The following MRC2 variants were observed in gnomAD, a reference collection of about 807,000 sequenced individuals.
The protein encoded by MRC2 is C-type mannose receptor 2.
MRC2 carries 84 observed loss-of-function variants against 206.2 expected under a neutral mutation model. The ratio of observed to expected loss-of-function variants is 0.41; its 90% CI spans 0.34 to 0.49. The LOEUF (loss-of-function observed/expected upper bound fraction) is 0.49. Among genes scored for constraint, MRC2 ranks in the 20% least tolerant of loss-of-function variants. The pLI is 0.31. For synonymous variants in MRC2, 798 were observed against 800.0 expected (o/e 1.00, Z 0.04); for missense variants, 1,676 against 2,001.5 (o/e 0.84, Z 3.10).
Position 62,692,611 on chromosome 17 carries a change from G to A in MRC2, c.*160G>A. On this transcript the variant is annotated 3_prime_UTR_variant, in exon 30 of 30. Transcript: ENST00000303375. This position sits in a 1 kb window ranked among gnomAD's most constrained non-coding sequence, Gnocchi z 4.2. ...GCTGGGCAGAGCCTGGGCTGGTGGG[G>A]TGCCACCCTCCCACAAGGGCTGGGC... is the stretch of plus-strand genomic sequence containing the variant. 1.4e-6 allele frequency: 1 copy of A among 719,900 alleles called. No individual in the cohort carries two copies. Among genetic ancestry groups the A allele is most frequent in the Non-Finnish European group, 2.2e-6 (1 of 445,120 alleles). 44.6% of individuals were successfully genotyped at this position (719,900 alleles called of 1,614,324 possible). A position where few individuals can be genotyped will look rare whatever the true frequency, so the allele number is the denominator to read the frequency against.
chr17:62,658,886 G>C (rs1042747209), intron 1 of MRC2, among the ~76,000 whole-genome samples: 1 of 152,204 alleles, frequency 6.6e-6, no homozygotes. Flanking sequence ...GGCAGGCATG[G>C]ATCAAGTCCT....
At chr17:62,643,341 A>AG (rs57932606) in intron 1 of MRC2, among the ~76,000 whole-genome samples, 68,330 of 142,914 alleles carry the variant, frequency 0.48, 17,847 homozygotes, top group East Asian at 0.7. Flanking sequence ...AAAAAAAAAA[A>AG]AAAAAAGAAA....
chr17:62,663,493 G>A (rs1292801569), intron 1 of MRC2, among the ~76,000 whole-genome samples: 5 of 151,818 alleles, frequency 3.3e-5, no homozygotes, highest in East Asian at 3.9e-4. Flanking sequence ...CCCCTTTCTC[G>A]TCACCCACAG....
In MRC2 at chr17:62,667,431, C is replaced by T. The variant is rs771762429; in HGVS notation, c.1015C>T (p.Arg339Cys). 14 of 1,612,144 alleles carry T rather than the reference C, an allele frequency of 8.7e-6. No individual in the cohort carries two copies. The highest frequency in any genetic ancestry group is 1.7e-6 in the Non-Finnish European group (2 of 1,179,602). Residue 339 changes from arginine (R) to cysteine (C), a missense_variant, in exon 6 of 30, where the codon CGC (arginine) becomes TGC (cysteine). Arg to Cys is a radical substitution (Grantham distance 180). Around this residue, in one of 3 missense-constraint regions of MRC2, gnomAD observed 1,354 missense variants for 1,636.6 expected, o/e 0.83. Coordinates refer to ENST00000303375, the MANE Select transcript of MRC2 (RefSeq NM_006039.5). This position sits in a 1 kb window ranked among gnomAD's most constrained non-coding sequence, Gnocchi z 4.1. Reference sequence around the variant, plus strand: ...CAGTGAGGAGAACTGTGGAGTGATCCGCACTGAGTCCTCGGGCGGCTGGCA... The same window carrying T: ...CAGTGAGGAGAACTGTGGAGTGATCTGCACTGAGTCCTCGGGCGGCTGGCA... The part of the protein sequence containing the change: ...NPSEENCGVI[R>C]TESSGGWQNR...
Position 62,673,873 on chromosome 17 carries a change from G to A in MRC2, c.1462-190G>A, listed in dbSNP as rs151069625. 2.0e-5 allele frequency among the ~76,000 whole-genome samples: 3 copies of A among 152,320 alleles called. No homozygotes were observed. In the East Asian group the frequency reaches 5.8e-4, roughly 29 times the overall value. On this transcript the variant is annotated intron_variant, in intron 8 of 29. Transcript: ENST00000303375. ...CAAGGCGTTTGCACATGAACTGCTT[G>A]TGCTCTCATCCACCCTGTGAGGCTT...
intron 1 of MRC2, among the ~76,000 whole-genome samples, chr17:62,660,387 A>G (rs2088666275): frequency 6.6e-6 from 1 of 152,194 alleles, no homozygotes. Flanking sequence ...TGACTCCTGA[A>G]CTGTGCATTT....
intron 2 of MRC2, 108 bp downstream of exon 2, chr17:62,665,057 G>T (rs1298881179): frequency 3.4e-5 from 41 of 1,210,654 alleles, no homozygotes; most frequent in Non-Finnish European, 4.4e-5. Flanking sequence ...GTGGACCCTT[G>T]GCAGTCACAT....
intron 1 of MRC2, among the ~76,000 whole-genome samples, chr17:62,635,652 T>C (rs575039414): frequency 6.6e-6 from 1 of 152,278 alleles, no homozygotes; most frequent in Non-Finnish European, 1.5e-5. Flanking sequence ...TTCATTGGCC[T>C]CAATTGTAAG....
intron 1 of MRC2, among the ~76,000 whole-genome samples, chr17:62,651,244 C>T (rs1250138991): frequency 1.3e-5 from 2 of 152,104 alleles, no homozygotes; most frequent in East Asian, 1.9e-4. Flanking sequence ...CCACCACGCC[C>T]AGCAAATTTT....
In MRC2 at chr17:62,680,024, T is replaced by C; in HGVS notation, c.2298+122T>C. 6.7e-7 allele frequency: 1 copy of C among 1,493,740 alleles called. No homozygotes were observed. Among genetic ancestry groups the C allele is most frequent in the South Asian group, 1.3e-5 (1 of 78,088 alleles). The allele number at this position is 1,493,740 out of a possible 1,614,324, so 92.5% of individuals were successfully genotyped here. Reference sequence around the variant, plus strand: ...GGCCGGGCCCCCAGTCGGAGCCGGCTTCAGGAAAGCAGGTCCGAGAGGGGT... The same window carrying C: ...GGCCGGGCCCCCAGTCGGAGCCGGCCTCAGGAAAGCAGGTCCGAGAGGGGT... On this transcript the variant is annotated intron_variant, in intron 14 of 29. Transcript: ENST00000303375. The surrounding 1 kb of genome is among the most constrained non-coding windows in gnomAD (Gnocchi z 4.8).
rs549279909 is a variant in MRC2, at chr17:62,691,771, CAAA to C, written c.4193-320_4193-318del. The stretch of plus-strand genomic sequence containing the variant: ...GGGCAACACAGCAAGACCCTGTCTC[CAAA>C]AAAAAAAAAAAAAAAAAAAAGTCCC... On this transcript the variant is annotated intron_variant, in intron 28 of 29. Transcript: ENST00000303375. 4.3e-3 allele frequency among the ~76,000 whole-genome samples: 283 copies of C among 65,914 alleles called. 1 individual carries two copies. The highest frequency in any genetic ancestry group is 0.014 in the Middle Eastern group (1 of 70). The allele number at this position is 65,914 out of a possible 152,430, so 43.2% of individuals were successfully genotyped here. A position where few individuals can be genotyped will look rare whatever the true frequency, so the allele number is the denominator to read the frequency against.
Position 62,658,756 on chromosome 17 carries a change from A to AT in MRC2, c.119-5785dup, listed in dbSNP as rs556474773. Among the ~76,000 whole-genome samples, 67 of 152,142 alleles carry AT rather than the reference A, an allele frequency of 4.4e-4. No individual in the cohort carries two copies. The East Asian group carries it at 0.011, about 26-fold the overall frequency. ...AGAAACATCTACAAAACAAGCAATA[A>AT]TTTTTTTCCTTTTCCGGCCCCAGGC... is the stretch of plus-strand genomic sequence containing the variant. On this transcript the variant is annotated intron_variant, in intron 1 of 29. Transcript: ENST00000303375.
chr17:62,643,324 C>A (rs1326028347), intron 1 of MRC2, among the ~76,000 whole-genome samples: 5 of 81,132 alleles, frequency 6.2e-5, no homozygotes, highest in Admixed American at 2.7e-4. Flanking sequence ...AGTGAAACTC[C>A]GTCAAAAAAA....
rs1279516475 is a variant in MRC2, at chr17:62,652,914, A to T, written c.119-11634A>T. Among the ~76,000 whole-genome samples, 1 of 150,588 alleles carries T rather than the reference A, an allele frequency of 6.6e-6. No homozygotes were observed. Among genetic ancestry groups the T allele is most frequent in the Non-Finnish European group, 1.5e-5 (1 of 67,726 alleles). ...GTTGGGGGCGCACGATGGCGGGGGC[A>T]GGGGTGCCCCTTGGGAGCAGAAGCA... On this transcript the variant is annotated intron_variant, in intron 1 of 29. Coordinates refer to ENST00000303375, the MANE Select transcript of MRC2 (RefSeq NM_006039.5). This position sits in a 1 kb window ranked among gnomAD's most constrained non-coding sequence, Gnocchi z 4.6.
At chr17:62,668,389 T>TA (rs529140401) in intron 6 of MRC2, among the ~76,000 whole-genome samples, 208 of 132,930 alleles carry the variant, frequency 1.6e-3, no homozygotes, top group Middle Eastern at 3.9e-3. Flanking sequence ...TAAATAAATT[T>TA]AAAAAAAAAA....
At chr17:62,637,428 C>T (rs751954892) in intron 1 of MRC2, among the ~76,000 whole-genome samples, 9 of 150,496 alleles carry the variant, frequency 6.0e-5, no homozygotes, top group South Asian at 2.1e-4. Flanking sequence ...CCCAGCAGCT[C>T]GGGAGGCTGA....
At chr17:62,631,485 C>T (rs895034847) in intron 1 of MRC2, among the ~76,000 whole-genome samples, 4 of 152,076 alleles carry the variant, frequency 2.6e-5, no homozygotes, top group African/African-American at 9.7e-5. Context: ...TACCATACAG[C>T]GTTTCCATCG....
chr17:62,647,228 T>G (rs2088501351), intron 1 of MRC2, among the ~76,000 whole-genome samples: 1 of 146,118 alleles, frequency 6.8e-6, no homozygotes, highest in Admixed American at 7.0e-5. Flanking sequence ...CTATCGCCCA[T>G]GCTGGAGTAC....
At chr17:62,656,993 T>C (rs545953180) in intron 1 of MRC2, among the ~76,000 whole-genome samples, 1 of 152,234 alleles carries the variant, frequency 6.6e-6, no homozygotes, top group African/African-American at 2.4e-5. Context: ...AAGCTTTATG[T>C]GTTCCAGGGG....
Sources: gnomAD v4.1 joint callset for allele counts (sites outside exome capture counted in the v4.1 genomes callset) on GRCh38, gnomAD v4.1.1 for gene constraint, gnomAD v4.1.1 regional missense constraint, Gnocchi (gnomAD v3.1) non-coding constraint, MANE v1.5 for transcripts, NCBI Gene and HGNC (gene_info 2026-07-23, HGNC 2026-07-21) for gene names.